Variants in SCN9A observed in about 807,000 individuals in gnomAD.
SCN9A encodes sodium voltage-gated channel alpha subunit 9, also known as sodium channel protein type 9 subunit alpha.
SCN9A carries 131 observed loss-of-function variants against 187.0 expected under a neutral mutation model. The observed-to-expected ratio is 0.70, with a 90% confidence interval of 0.61 to 0.81. The LOEUF is 0.81. Among genes scored for constraint, SCN9A ranks in the 30% least tolerant of loss-of-function variants. The pLI is 0.00. For synonymous variants in SCN9A, 809 were observed against 808.6 expected, an observed-to-expected ratio of 1.00 and a Z score of -0.01; for missense variants, 2,252 against 2,396.6, an observed-to-expected ratio of 0.94 and a Z score of 1.26.
intron 1 of SCN9A, among the ~76,000 whole-genome samples, chr2:166,369,299 A>C (rs986038298): frequency 3.3e-5 from 5 of 152,148 alleles, no homozygotes; most frequent in Non-Finnish European, 7.4e-5. Context: ...ACTTCCTTTC[A>C]CTATACTAAT....
chr2:166,202,588 A>G (rs1181569316), intron 26 of SCN9A, among the ~76,000 whole-genome samples: 1 of 151,832 alleles, frequency 6.6e-6, no homozygotes, highest in African/African-American at 2.4e-5. Flanking sequence ...TAGATTAATA[A>G]ATTTGAAAGT....
chr2:166,272,066 G>A (rs1697016262), intron 17 of SCN9A, among the ~76,000 whole-genome samples: 1 of 152,076 alleles, frequency 6.6e-6, no homozygotes, highest in South Asian at 2.1e-4. Flanking sequence ...CAAAGGAAAG[G>A]TGATGAAAAG....
chr2:166,251,935 A>G (rs748072245), intron 17 of SCN9A, 50 bp from the exon 18 acceptor site: 24 of 1,598,430 alleles, frequency 1.5e-5, no homozygotes, highest in Non-Finnish European at 2.0e-5. Context: ...GAGTTCATTC[A>G]AATATGATAT....
intron 1 of SCN9A, among the ~76,000 whole-genome samples, chr2:166,364,572 C>T (rs1238883805): frequency 3.3e-5 from 5 of 152,018 alleles, no homozygotes; most frequent in Admixed American, 2.6e-4. Context: ...GTGAAATAAG[C>T]CAGACATGAA....
chr2:166,251,486 C>T (rs1251924146), intron 18 of SCN9A, among the ~76,000 whole-genome samples: 1 of 151,992 alleles, frequency 6.6e-6, no homozygotes, highest in Admixed American at 6.6e-5. Context: ...TTCCATTGAT[C>T]TGGGAATACG....
At position 166,284,774 on chromosome 2, in the gene SCN9A, T is replaced by C. The variant is rs1319005166; in HGVS notation, c.1653A>G (p.Arg551=). 6.2e-6 allele frequency: 10 copies of C among 1,613,380 alleles called. No homozygotes were observed. The highest frequency in any genetic ancestry group is 1.6e-4 in the Middle Eastern group (1 of 6,082). Residue 551 remains arginine (R), a synonymous_variant, in exon 12 of 27, where the codon AGA becomes AGG. Transcript: ENST00000642356. ...GSLFSARRSS[R]TSLFSFKGRG... is the part of the protein sequence containing the mutation. ...TGCCTTTGAAACTAAAAAGACTTGTTCTGCTGCTTCGCCTTGCAGAAAACA... is the reference window on the plus strand; with the variant it reads ...TGCCTTTGAAACTAAAAAGACTTGTCCTGCTGCTTCGCCTTGCAGAAAACA...
intron 7 of SCN9A, chr2:166,301,317 G>C (rs1160026811): frequency 6.6e-6 from 1 of 150,688 alleles, no homozygotes; most frequent in Non-Finnish European, 1.5e-5. Context: ...CAGCAGCTGA[G>C]CTTCAGCCAA....
At chr2:166,295,001 A>T (rs1399404968) in intron 7 of SCN9A, among the ~76,000 whole-genome samples, 1 of 152,230 alleles carries the variant, frequency 6.6e-6, no homozygotes, top group Non-Finnish European at 1.5e-5. Context: ...GTGATAAATG[A>T]TCTAAAGAAA....
At chr2:166,278,985 T>C (rs1697358996) in intron 14 of SCN9A, among the ~76,000 whole-genome samples, 1 of 152,124 alleles carries the variant, frequency 6.6e-6, no homozygotes, top group African/African-American at 2.4e-5. Context: ...AATGTTTAGG[T>C]CTATAACTGC....
At chr2:166,277,934 T>A (rs1217018513) in intron 15 of SCN9A, 3 of 485,680 alleles carry the variant, frequency 6.2e-6, no homozygotes, top group African/African-American at 6.0e-5. Context: ...CAAATTAGAA[T>A]TGAGCATGTC....
intron 17 of SCN9A, among the ~76,000 whole-genome samples, chr2:166,254,528 T>C (rs1486601625): frequency 6.6e-6 from 1 of 151,380 alleles, no homozygotes; most frequent in African/African-American, 2.4e-5. Flanking sequence ...ATTCTCACAG[T>C]AGGCATCACC....
In SCN9A at chr2:166,286,561, T is replaced by A. The variant is rs1328711563; in HGVS notation, c.1377A>T (p.Ser459=). The A allele has an allele frequency of 6.2e-7, 1 of 1,604,348 alleles. No homozygotes were observed. The highest frequency in any genetic ancestry group is 1.7e-5 in the Admixed American group (1 of 57,854). Residue 459 remains serine (S), a synonymous_variant, in exon 11 of 27, where the codon TCA becomes TCT. Coordinates refer to ENST00000642356, the MANE Select transcript of SCN9A (RefSeq NM_001365536.1). ...GTTTGGATGTTTCAGAAGAACTCTC[T>A]GAGAGGCCCATAATTCTGCTTCTCC... ...SIRRSRIMGL[S]ESSSETSKLS...
chr2:166,302,491 G>A (rs1433741280), intron 7 of SCN9A: 1 of 152,086 alleles, frequency 6.6e-6, no homozygotes, highest in African/African-American at 2.4e-5. Flanking sequence ...ATTAAAAACA[G>A]CTATGAAACT....
At chr2:166,324,838 C>G (rs1574927480) in intron 1 of SCN9A, among the ~76,000 whole-genome samples, 2 of 152,018 alleles carry the variant, frequency 1.3e-5, no homozygotes, top group East Asian at 3.9e-4. Context: ...ATTGCGACAG[C>G]CTAGAGATGC....
At chr2:166,291,820 G>T (rs4359678) in intron 9 of SCN9A, among the ~76,000 whole-genome samples, 57,970 of 152,000 alleles carry the variant, frequency 0.38, 11,132 homozygotes, top group Non-Finnish European at 0.4. Context: ...AAGCAATGTG[G>T]AAAGGATTCC....
At position 166,199,354 on chromosome 2, in the gene SCN9A, T is replaced by C. The variant is rs755222805; in HGVS notation, c.5285A>G (p.Asn1762Ser). The change falls in exon 27 of 27, where the codon AAT becomes AGT. Residue 1762 changes from asparagine to serine, a missense_variant. Around this residue, in one of 7 missense-constraint regions of SCN9A, gnomAD observed 345 missense variants for 344.6 expected, o/e 1.00. Coordinates refer to ENST00000642356, the MANE Select transcript of SCN9A (RefSeq NM_001365536.1). ...VNMYIAVILENFSVATEESTE... is the reference protein window; with the variant it reads ...VNMYIAVILESFSVATEESTE... ...ACTTTCTTCAGTGGCAACACTAAAA[T>C]TCTCCAGTATGACTGCAATGTACAT... The C allele has an allele frequency of 3.1e-6, 5 of 1,614,174 alleles. No individual in the cohort carries two copies. The highest frequency in any genetic ancestry group is 4.2e-6 in the Non-Finnish European group (5 of 1,180,022).
At position 166,198,666 on chromosome 2, in the gene SCN9A, G is replaced by A. The variant is rs1420124669; in HGVS notation, c.*6C>T. ...AGGCTGTAAACAATATATCAAAAAT[G>A]AAGCTCTATTTTTTGCTTTCCTTGC... On this transcript the variant is annotated 3_prime_UTR_variant, in exon 27 of 27. Coordinates refer to ENST00000642356, the MANE Select transcript of SCN9A (RefSeq NM_001365536.1). 2 of 1,563,318 alleles carry A rather than the reference G, an allele frequency of 1.3e-6. No homozygotes were observed. Among genetic ancestry groups the A allele is most frequent in the African/African-American group, 1.4e-5 (1 of 73,262 alleles).
intron 1 of SCN9A, among the ~76,000 whole-genome samples, chr2:166,365,609 T>A (rs1453702882): frequency 2.0e-5 from 3 of 152,232 alleles, no homozygotes; most frequent in African/African-American, 7.2e-5. Context: ...ACATCAAATA[T>A]GCCTTAGGGC....
chr2:166,231,713 G>A (rs770122122), intron 21 of SCN9A, among the ~76,000 whole-genome samples: 7 of 151,802 alleles, frequency 4.6e-5, no homozygotes, highest in Middle Eastern at 3.4e-3. Context: ...CACTATGCCC[G>A]GGTAATTTTT....
Sources: allele counts gnomAD v4.1 joint callset (sites outside exome capture counted in the v4.1 genomes callset), GRCh38; gene constraint gnomAD v4.1.1; regional missense constraint gnomAD v4.1.1; transcripts MANE v1.5; gene names NCBI Gene and HGNC (gene_info 2026-07-23, HGNC 2026-07-21).